The following XIRP2 variants were observed in gnomAD, a reference collection of about 807,000 sequenced individuals.
XIRP2 encodes the protein xin actin binding repeat containing 2.
XIRP2 carries 236 observed loss-of-function variants against 277.0 expected under a neutral mutation model. That is an observed-to-expected ratio of 0.85 (90% CI 0.77 to 0.95). The LOEUF is 0.95. Ranked by LOEUF, XIRP2 falls within the 40% of genes least tolerant of loss-of-function variation. The pLI is 0.00. For synonymous variants in XIRP2, 1,490 were observed against 1,416.5 expected (o/e 1.05, Z -1.17); for missense variants, 4,640 against 4,157.5 (o/e 1.12, Z -3.19).
intron 2 of XIRP2, among the ~76,000 whole-genome samples, chr2:167,105,356 C>T (rs2105289881): frequency 6.6e-6 from 1 of 152,010 alleles, no homozygotes; most frequent in South Asian, 2.1e-4. Flanking sequence ...TTGATCTGTT[C>T]TCCTTTTCCA....
At chr2:167,062,130 T>C (rs942892901) in intron 2 of XIRP2, among the ~76,000 whole-genome samples, 3 of 152,204 alleles carry the variant, frequency 2.0e-5, no homozygotes, top group Non-Finnish European at 2.9e-5. Flanking sequence ...ATTACTTGAA[T>C]TGACTTTTAA....
chr2:167,105,476 T>C, intron 2 of XIRP2, among the ~76,000 whole-genome samples: 1 of 151,988 alleles, frequency 6.6e-6, no homozygotes, highest in East Asian at 1.9e-4. Flanking sequence ...TGAGTATATG[T>C]ACAAATAGTT....
chr2:167,131,086 A>C (rs1324948238), intron 2 of XIRP2, among the ~76,000 whole-genome samples: 8 of 152,130 alleles, frequency 5.3e-5, no homozygotes, highest in Admixed American at 5.2e-4. Flanking sequence ...GCATCATAAC[A>C]GAGAAAATAG....
At chr2:167,240,785 T>G in intron 7 of XIRP2, 49 bp downstream of exon 7, 4 of 1,529,750 alleles carry the variant, frequency 2.6e-6, no homozygotes, top group Non-Finnish European at 3.6e-6. Flanking sequence ...CCTATTGATG[T>G]GTTTGATTTT....
At chr2:166,942,602 A>G (rs1685749595) in intron 2 of XIRP2, among the ~76,000 whole-genome samples, 1 of 152,218 alleles carries the variant, frequency 6.6e-6, no homozygotes, top group Non-Finnish European at 1.5e-5. Context: ...ATCAAATTTT[A>G]TGTATCATTT....
intron 3 of XIRP2, among the ~76,000 whole-genome samples, chr2:167,148,777 TG>T (rs1316424000): frequency 6.6e-6 from 1 of 151,982 alleles, no homozygotes; most frequent in African/African-American, 2.4e-5. Flanking sequence ...TAGACTTAAA[TG>T]GAAAAAAATA....
intron 2 of XIRP2, among the ~76,000 whole-genome samples, chr2:167,109,412 C>G (rs1690688923): frequency 6.6e-6 from 1 of 152,126 alleles, no homozygotes; most frequent in African/African-American, 2.4e-5. Context: ...TCCCAAGTAG[C>G]TGGGACTACA....
chr2:167,111,325 C>T (rs1156307245), intron 2 of XIRP2, among the ~76,000 whole-genome samples: 13 of 151,992 alleles, frequency 8.6e-5, no homozygotes, highest in Admixed American at 8.5e-4. Flanking sequence ...ATAGATGGCT[C>T]TTATTATTTT....
chr2:167,227,831 G>A (rs1694649544), intron 5 of XIRP2, among the ~76,000 whole-genome samples: 2 of 152,138 alleles, frequency 1.3e-5, no homozygotes, highest in South Asian at 4.1e-4. Context: ...TAATTTATTA[G>A]ATTGATACAC....
intron 2 of XIRP2, among the ~76,000 whole-genome samples, chr2:167,016,225 T>C (rs1687825321): frequency 6.6e-6 from 1 of 151,842 alleles, no homozygotes; most frequent in Non-Finnish European, 1.5e-5. Flanking sequence ...ATCAATACAA[T>C]AACAATCTCT....
chr2:167,067,675 A>G (rs1689331429), intron 2 of XIRP2, among the ~76,000 whole-genome samples: 1 of 152,226 alleles, frequency 6.6e-6, no homozygotes, highest in South Asian at 2.1e-4. Context: ...AAGTGACCAC[A>G]TGCTCTTGGG....
intron 2 of XIRP2, among the ~76,000 whole-genome samples, chr2:166,936,547 T>C (rs978204990): frequency 6.6e-6 from 1 of 152,224 alleles, no homozygotes; most frequent in African/African-American, 2.4e-5. Context: ...TAGCTTTAGG[T>C]CTAACATTTA....
intron 3 of XIRP2, among the ~76,000 whole-genome samples, chr2:167,167,177 A>G (rs1373202217): frequency 6.6e-6 from 1 of 152,128 alleles, no homozygotes; most frequent in Non-Finnish European, 1.5e-5. Flanking sequence ...TAATGTTAAC[A>G]TGGTATACCT....
At chr2:167,073,911 G>GA (rs373723549) in intron 2 of XIRP2, among the ~76,000 whole-genome samples, 52 of 152,242 alleles carry the variant, frequency 3.4e-4, no homozygotes, top group African/African-American at 1.1e-3. Flanking sequence ...GTTTTTAATT[G>GA]CATAGTTCAG....
chr2:167,153,081 T>C (rs1692063339), intron 3 of XIRP2, among the ~76,000 whole-genome samples: 1 of 152,170 alleles, frequency 6.6e-6, no homozygotes, highest in Non-Finnish European at 1.5e-5. Flanking sequence ...ATGTGCCCTC[T>C]GTGGAGTGTA....
At chr2:167,178,541 A>C (rs1213961412) in intron 3 of XIRP2, among the ~76,000 whole-genome samples, 2 of 152,194 alleles carry the variant, frequency 1.3e-5, no homozygotes, top group African/African-American at 4.8e-5. Context: ...TCCACTAAAA[A>C]ATAATGCTCA....
intron 2 of XIRP2, among the ~76,000 whole-genome samples, chr2:166,914,508 T>G (rs1016013579): frequency 6.6e-6 from 1 of 151,912 alleles, no homozygotes; most frequent in African/African-American, 2.4e-5. Flanking sequence ...GCCCGGCTAA[T>G]TTTTTGTATT....
chr2:167,102,066 C>A (rs1021232300), intron 2 of XIRP2, among the ~76,000 whole-genome samples: 10 of 152,116 alleles, frequency 6.6e-5, no homozygotes, highest in Admixed American at 5.9e-4. Flanking sequence ...TTCTCAAGTG[C>A]AAATTAGTGA....
At chr2:167,188,935 G>A (rs1026303997) in intron 3 of XIRP2, among the ~76,000 whole-genome samples, 1 of 152,154 alleles carries the variant, frequency 6.6e-6, no homozygotes, top group Non-Finnish European at 1.5e-5. Context: ...AATGTTCATG[G>A]AAAAATGTCA....
Sources: gnomAD v4.1 joint callset for allele counts (sites outside exome capture counted in the v4.1 genomes callset) on GRCh38, gnomAD v4.1.1 for gene constraint, MANE v1.5 for transcripts, NCBI Gene and HGNC (gene_info 2026-07-23, HGNC 2026-07-21) for gene names.